Variants in PDZD2 observed in about 807,000 individuals in gnomAD.
The protein encoded by PDZD2 is PDZ domain containing 2.
PDZD2 carries 90 observed loss-of-function variants against 220.7 expected under a neutral mutation model. The observed-to-expected ratio is 0.41, with a 90% confidence interval of 0.34 to 0.49. The LOEUF (loss-of-function observed/expected upper bound fraction) is 0.49. Ranked by LOEUF, PDZD2 falls within the 20% of genes least tolerant of loss-of-function variation. The probability of loss-of-function intolerance (pLI) is 0.28; values close to 1 mark genes in which losing one functional copy is unlikely to be tolerated. For synonymous variants in PDZD2, 1,375 were observed against 1,450.5 expected (o/e 0.95, Z 1.18); for missense variants, 3,174 against 3,608.5 (o/e 0.88, Z 3.08).
rs188822141 is a variant in PDZD2 at position 31,894,351 on chromosome 5, G to C, written c.477-88804G>C. Among the ~76,000 whole-genome samples the C allele has an allele frequency of 2.0e-5, 3 of 152,110 alleles. No homozygotes were observed. In the East Asian group the frequency reaches 5.8e-4, roughly 29 times the overall value. On this transcript the variant is annotated intron_variant, in intron 2 of 24. Coordinates refer to ENST00000438447, the MANE Select transcript of PDZD2 (RefSeq NM_178140.4). ...CTGCAGCTGCATCTGGTGTACTCTT[G>C]AATGGACTGGAAGCCTGGCACGGTG...
chr5:31,661,996 A>G (rs907173269), intron 1 of PDZD2, among the ~76,000 whole-genome samples: 1 of 152,104 alleles, frequency 6.6e-6, no homozygotes, highest in Admixed American at 6.5e-5. Context: ...CACCCTTAGA[A>G]GGAAGCAGTT....
intron 1 of PDZD2, among the ~76,000 whole-genome samples, chr5:31,716,824 T>C (rs529163046): frequency 6.6e-6 from 1 of 152,118 alleles, no homozygotes; most frequent in East Asian, 1.9e-4. Flanking sequence ...AAAAATAGAA[T>C]TGGCAAGTTT....
chr5:31,825,837 C>T (rs1756175059), intron 2 of PDZD2, among the ~76,000 whole-genome samples: 1 of 152,176 alleles, frequency 6.6e-6, no homozygotes, highest in African/African-American at 2.4e-5. Context: ...GTATCTTAAA[C>T]AATCACAACG....
chr5:31,799,051 T>C lies in PDZD2; in HGVS notation c.-198T>C. ...TCCAGTGCCATTGTTCCACAGTTGT[T>C]CTAATTGGGTCCTAGCTTCCTCCTG... On this transcript the variant is annotated 5_prime_UTR_variant, in exon 2 of 25. Transcript: ENST00000438447. The C allele has an allele frequency of 1.7e-6, 1 of 573,434 alleles. No individual in the cohort carries two copies. The allele number at this position is 573,434 out of a possible 1,614,324, so 35.5% of individuals were successfully genotyped here. A position where few individuals can be genotyped will look rare whatever the true frequency, so the allele number is the denominator to read the frequency against.
chr5:31,766,486 G>T (rs542452540), intron 1 of PDZD2, among the ~76,000 whole-genome samples: 1 of 151,918 alleles, frequency 6.6e-6, no homozygotes, highest in Non-Finnish European at 1.5e-5. Flanking sequence ...AGCCTCAGAT[G>T]ATCCTCCCAC....
chr5:31,822,848 C>T, intron 2 of PDZD2: 1 of 780,106 alleles, frequency 1.3e-6, no homozygotes. Flanking sequence ...GGGAAGTGCA[C>T]ATACACAGAC....
At chr5:32,014,939 C>CT (rs746683258) in intron 6 of PDZD2, among the ~76,000 whole-genome samples, 14,628 of 93,612 alleles carry the variant, frequency 0.16, 2,704 homozygotes, top group African/African-American at 0.38. Flanking sequence ...CAATCTCTCT[C>CT]TTTTTTTTTT....
chr5:32,054,312 C>CTTTTTTTTTTTTTTTTTTTTTT (rs57135705), intron 10 of PDZD2, among the ~76,000 whole-genome samples: 1 of 69,352 alleles, frequency 1.4e-5, no homozygotes, highest in Admixed American at 2.2e-4. Context: ...AAATGAACAT[C>CTTTTTTTTTTTTTTTTTTTTTT]TTTTTTTTTT....
chr5:32,065,184 A>G (rs1353446913), intron 14 of PDZD2, among the ~76,000 whole-genome samples: 3 of 151,924 alleles, frequency 2.0e-5, no homozygotes, highest in African/African-American at 4.8e-5. Context: ...CTGTAATCCT[A>G]GCTACTCCAG....
chr5:32,022,944 A>G (rs1754338592), intron 6 of PDZD2, among the ~76,000 whole-genome samples: 1 of 152,056 alleles, frequency 6.6e-6, no homozygotes, highest in African/African-American at 2.4e-5. Flanking sequence ...AGGTGAAAAG[A>G]TGGATTTGGA....
intron 1 of PDZD2, among the ~76,000 whole-genome samples, chr5:31,781,436 A>G (rs1425172949): frequency 6.6e-6 from 1 of 152,148 alleles, no homozygotes; most frequent in Admixed American, 6.5e-5. Flanking sequence ...ACAACAACAA[A>G]CAAAAACCCA....
chr5:31,774,289 T>C (rs1191854503), intron 1 of PDZD2, among the ~76,000 whole-genome samples: 1 of 151,432 alleles, frequency 6.6e-6, no homozygotes, highest in Non-Finnish European at 1.5e-5. Flanking sequence ...CAGGAGTAGA[T>C]AAAAGAAAGA....
chr5:32,008,177 T>C (rs6891934), intron 5 of PDZD2, among the ~76,000 whole-genome samples: 30,594 of 138,748 alleles, frequency 0.22, 3,381 homozygotes, highest in Admixed American at 0.28. Context: ...ATAAATGGAG[T>C]CTTATTCCAT....
chr5:31,703,957 T>TTCTCTCTCTC lies in PDZD2; in HGVS notation c.-361+64530_-361+64539dup, dbSNP rs10652328. On this transcript the variant is annotated intron_variant, in intron 1 of 24. Coordinates refer to ENST00000438447, the MANE Select transcript of PDZD2 (RefSeq NM_178140.4). ...CCTCTCTCTCTCTCTTTCTCTCTCT[T>TTCTCTCTCTC]TCTCTCTCTCTCTCTCTCTTTCTTT... Among the ~76,000 whole-genome samples, 7 of 149,376 alleles carry TTCTCTCTCTC rather than the reference T, an allele frequency of 4.7e-5. No homozygotes were observed. In the East Asian group the frequency reaches 5.9e-4, roughly 13 times the overall value.
intron 2 of PDZD2, among the ~76,000 whole-genome samples, chr5:31,861,416 C>T (rs1005872528): frequency 6.6e-6 from 1 of 152,178 alleles, no homozygotes; most frequent in Admixed American, 6.5e-5. Context: ...TTGAGCTGCC[C>T]GATTCCTCTT....
intron 3 of PDZD2, among the ~76,000 whole-genome samples, chr5:31,987,426 CAGA>C (rs1750807297): frequency 6.6e-6 from 1 of 152,204 alleles, no homozygotes; most frequent in Non-Finnish European, 1.5e-5. Context: ...GTAGAAAACT[CAGA>C]AGGAGCATCA....
At position 32,108,983 on chromosome 5, in the gene PDZD2, C is replaced by T. The variant is rs577320778; in HGVS notation, c.*848C>T. The stretch of plus-strand genomic sequence containing the variant: ...CCTTACAACTAGTTTTTGAACCTGT[C>T]TTGATAAGTGCTTGAATTCAAGACT... On this transcript the variant is annotated 3_prime_UTR_variant, in exon 25 of 25. Transcript: ENST00000438447. 6.5e-6 allele frequency: 1 copy of T among 152,762 alleles called. No individual in the cohort carries two copies. The highest frequency in any genetic ancestry group is 2.4e-5 in the African/African-American group (1 of 41,576). 9.5% of individuals were successfully genotyped at this position (152,762 alleles called of 1,614,324 possible).
intron 2 of PDZD2, among the ~76,000 whole-genome samples, chr5:31,936,885 C>G (rs1250410471): frequency 6.6e-6 from 1 of 152,180 alleles, no homozygotes; most frequent in African/African-American, 2.4e-5. Context: ...GGCAGGCTGC[C>G]TCTGCTCGGC....
At chr5:32,105,898 A>T (rs1001394017) in intron 24 of PDZD2, among the ~76,000 whole-genome samples, 7 of 152,244 alleles carry the variant, frequency 4.6e-5, no homozygotes, top group African/African-American at 1.7e-4. Flanking sequence ...TTGTGTAAAA[A>T]GTCCAAAAGC....
Sources: gnomAD v4.1 joint callset for allele counts (sites outside exome capture counted in the v4.1 genomes callset) on GRCh38, gnomAD v4.1.1 for gene constraint, MANE v1.5 for transcripts, NCBI Gene and HGNC (gene_info 2026-07-23, HGNC 2026-07-21) for gene names.